The following SARDH variants were observed in gnomAD, a reference collection of about 807,000 sequenced individuals.
SARDH encodes sarcosine dehydrogenase.
SARDH carries 95 observed loss-of-function variants against 109.1 expected under a neutral mutation model. The observed-to-expected ratio is 0.87, with a 90% CI of 0.74 to 1.03. SARDH has a LOEUF of 1.03. SARDH is among the 50% of genes least tolerant of loss of function. The pLI, the probability that SARDH is intolerant of heterozygous loss-of-function variation, is 0.00. For missense variants in SARDH, 1,267 were observed against 1,287.8 expected (o/e 0.98, Z 0.25); for synonymous variants, 572 against 534.8 (o/e 1.07, Z -0.96).
chr9:133,708,063 C>A (rs1831763172), intron 11 of SARDH, among the ~76,000 whole-genome samples: 1 of 152,150 alleles, frequency 6.6e-6, no homozygotes, highest in South Asian at 2.1e-4. Flanking sequence ...ACAGAAGCCC[C>A]CGGGTGGGAG....
chr9:133,730,126 C>T lies in SARDH; in HGVS notation c.752G>A (p.Arg251Gln), dbSNP rs760282297. ...RVWTDDFGVR[R>Q]VAGVETQHGS... ...ATGCTGAGTCTCCACACCCGCGACC[C>T]GCCGCACCCCAAAATCATCCGTCCA... Residue 251 changes from arginine to glutamine, a missense_variant, in exon 5 of 21, where the codon CGG (arginine) becomes CAG (glutamine). Arg to Gln is a conservative substitution (Grantham distance 43). Transcript: ENST00000439388. 2.7e-5 allele frequency: 43 copies of T among 1,614,098 alleles called. No individual in the cohort carries two copies. Among genetic ancestry groups the T allele is most frequent in the Admixed American group, 6.7e-5 (4 of 60,008 alleles).
Position 133,666,764 on chromosome 9 carries a change from C to A in SARDH, c.2602G>T (p.Gly868Cys). 6.3e-7 allele frequency: 1 copy of A among 1,599,724 alleles called. No homozygotes were observed. Among genetic ancestry groups the A allele is most frequent in the East Asian group, 2.3e-5 (1 of 44,208 alleles). Residue 868 changes from glycine (G) to cysteine (C), a missense_variant, in exon 20 of 21, where the codon GGT (glycine) becomes TGT (cysteine). Physicochemically the swap from Gly to Cys is radical, Grantham distance 159. Transcript: ENST00000439388. This position sits in a 1 kb window ranked among gnomAD's most constrained non-coding sequence, Gnocchi z 5.2. Reference sequence around the variant, plus strand: ...CCACCGCTGGGGTCATGGATGTAACCGTAGGCGATGGTCTTGTCGATGGCG... The same window carrying A: ...CCACCGCTGGGGTCATGGATGTAACAGTAGGCGATGGTCTTGTCGATGGCG... The part of the protein sequence containing the change: ...GFAIDKTIAY[G>C]YIHDPSGGPV...
At chr9:133,737,912 G>T (rs1832937153) in intron 1 of SARDH, among the ~76,000 whole-genome samples, 1 of 152,214 alleles carries the variant, frequency 6.6e-6, no homozygotes, top group Non-Finnish European at 1.5e-5. Flanking sequence ...GATGGGTGGG[G>T]GTTTTGTCAC....
At chr9:133,694,975 G>C (rs1219418863) in intron 14 of SARDH, among the ~76,000 whole-genome samples, 1 of 152,162 alleles carries the variant, frequency 6.6e-6, no homozygotes, top group African/African-American at 2.4e-5. Context: ...AGTCTGGGGA[G>C]TGGGTTTGTT....
intron 19 of SARDH, among the ~76,000 whole-genome samples, chr9:133,669,325 CT>C (rs1830249111): frequency 1.1e-5 from 1 of 87,254 alleles, no homozygotes; most frequent in Non-Finnish European, 2.3e-5. Context: ...CTCACCCTCC[CT>C]CTCCCTCGTC....
chr9:133,720,930 G>T (rs1394546134), intron 6 of SARDH, among the ~76,000 whole-genome samples: 7 of 152,064 alleles, frequency 4.6e-5, no homozygotes, highest in Non-Finnish European at 1.0e-4. Flanking sequence ...AAAATTCAAT[G>T]GAAGGGCCAG....
At chr9:133,737,327 G>A (rs1036955008) in intron 1 of SARDH, among the ~76,000 whole-genome samples, 9 of 152,214 alleles carry the variant, frequency 5.9e-5, no homozygotes, top group Non-Finnish European at 1.0e-4. Flanking sequence ...GGAGGTGTTG[G>A]AGCTTGTCCT....
chr9:133,705,972 A>G (rs1367845214), intron 11 of SARDH, among the ~76,000 whole-genome samples: 2 of 152,108 alleles, frequency 1.3e-5, no homozygotes, highest in African/African-American at 4.8e-5. Context: ...CCATCGTCTG[A>G]CACCTTGATC....
rs2131421081 is a variant in SARDH, at chr9:133,704,618, G to C, written c.1554+330C>G. Among the ~76,000 whole-genome samples, 1 of 152,264 alleles carries C rather than the reference G, an allele frequency of 6.6e-6. No individual in the cohort carries two copies. Among genetic ancestry groups the C allele is most frequent in the South Asian group, 2.1e-4 (1 of 4,822 alleles). On this transcript the variant is annotated intron_variant, in intron 12 of 20. Transcript: ENST00000439388. This position sits in a 1 kb window ranked among gnomAD's most constrained non-coding sequence, Gnocchi z 4.5. Reference sequence around the variant, plus strand: ...AGACGCTCCATTCCTCCTGCAACCTGGGGGAGTCTTCTTGCTGTCTCCCCA... The same window carrying C: ...AGACGCTCCATTCCTCCTGCAACCTCGGGGAGTCTTCTTGCTGTCTCCCCA...
intron 19 of SARDH, among the ~76,000 whole-genome samples, chr9:133,667,597 CAAAG>C (rs1830120118): frequency 6.6e-6 from 1 of 151,384 alleles, no homozygotes; most frequent in Non-Finnish European, 1.5e-5. Flanking sequence ...AAGCTAAAAT[CAAAG>C]AAAGGCCAGC....
chr9:133,683,663 G>A (rs1379514031), intron 17 of SARDH, among the ~76,000 whole-genome samples: 2 of 152,212 alleles, frequency 1.3e-5, no homozygotes, highest in Non-Finnish European at 2.9e-5. Flanking sequence ...GAGGGGAGGT[G>A]AGAGCAGAGC....
chr9:133,702,581 G>C (rs1003888798), intron 13 of SARDH, among the ~76,000 whole-genome samples: 2 of 152,190 alleles, frequency 1.3e-5, no homozygotes, highest in African/African-American at 4.8e-5. Context: ...GCCAGCCTCG[G>C]CGCAGCTCCG....
At chr9:133,699,120 G>A (rs1831389404) in intron 13 of SARDH, among the ~76,000 whole-genome samples, 1 of 152,250 alleles carries the variant, frequency 6.6e-6, no homozygotes, top group African/African-American at 2.4e-5. Flanking sequence ...GCTGAGGCGG[G>A]TGGATCACCT....
chr9:133,729,735 C>T (rs747632888), intron 6 of SARDH, 30 bp downstream of exon 6: 1 of 1,593,574 alleles, frequency 6.3e-7, no homozygotes, highest in Non-Finnish European at 8.6e-7. Flanking sequence ...CCCCCACAGA[C>T]TGACACAGAA....
At chr9:133,739,151 C>T (rs1006387760), upstream of SARDH, among the ~76,000 whole-genome samples, 4 of 152,172 alleles carry the variant, frequency 2.6e-5, no homozygotes, top group African/African-American at 7.2e-5. Flanking sequence ...AAAGAATACA[C>T]CTCTGGATGC....
At chr9:133,736,606 G>C (rs992562358) in intron 1 of SARDH, among the ~76,000 whole-genome samples, 1 of 152,198 alleles carries the variant, frequency 6.6e-6, no homozygotes, top group African/African-American at 2.4e-5. Flanking sequence ...ATGTTGGCCA[G>C]GCTGGTCTCG....
At position 133,704,852 on chromosome 9, in the gene SARDH, G is replaced by GGGCACACGGAGGGGCAAGGACA; in HGVS notation, c.1554+95_1554+96insTGTCCTTGCCCCTCCGTGTGCC. 3 of 1,029,038 alleles carry GGGCACACGGAGGGGCAAGGACA rather than the reference G, an allele frequency of 2.9e-6. No homozygotes were observed. Among genetic ancestry groups the GGGCACACGGAGGGGCAAGGACA allele is most frequent in the Non-Finnish European group, 4.4e-6 (3 of 682,706 alleles). 63.7% of individuals were successfully genotyped at this position (1,029,038 alleles called of 1,614,324 possible). A position where few individuals can be genotyped will look rare whatever the true frequency, so the allele number is the denominator to read the frequency against. On this transcript the variant is annotated intron_variant, in intron 12 of 20. Coordinates refer to ENST00000439388, the MANE Select transcript of SARDH (RefSeq NM_001134707.2). The surrounding 1 kb of genome is among the most constrained non-coding windows in gnomAD (Gnocchi z 4.5). ...CGACAGTGGAACCACCTGGGGAGGC[G>GGGCACACGGAGGGGCAAGGACA]GGGCACACGGAGGGGCAAGGACGGG...
In SARDH at chr9:133,702,946, G is replaced by A. The variant is rs747770626; in HGVS notation, c.1638C>T (p.Tyr546=). ...CGTGGTGGGGCGGGAAGGCGAAGGT[G>A]TACTCGTCTGCCAGCAGCCTGCGGT... is the stretch of plus-strand genomic sequence containing the variant. The part of the protein sequence containing the change: ...YAYRRLLADE[Y]TFAFPPHHDT... Residue 546 remains tyrosine (Y), a synonymous_variant, in exon 13 of 21, where the codon TAC becomes TAT. Coordinates refer to ENST00000439388, the MANE Select transcript of SARDH (RefSeq NM_001134707.2). The A allele has an allele frequency of 1.9e-6, 3 of 1,612,820 alleles. No individual in the cohort carries two copies. In the South Asian group the frequency reaches 3.3e-5, roughly 18 times the overall value.
intron 6 of SARDH, among the ~76,000 whole-genome samples, chr9:133,720,585 GC>G: frequency 6.6e-6 from 1 of 152,232 alleles, no homozygotes; most frequent in South Asian, 2.1e-4. Context: ...GGCTGGGGAG[GC>G]CTCACAATCA....
Sources: gnomAD v4.1 joint callset for allele counts (sites outside exome capture counted in the v4.1 genomes callset) on GRCh38, gnomAD v4.1.1 for gene constraint, Gnocchi (gnomAD v3.1) non-coding constraint, MANE v1.5 for transcripts, NCBI Gene and HGNC (gene_info 2026-07-23, HGNC 2026-07-21) for gene names.